Variants in ATG14 observed in about 807,000 individuals in gnomAD.
The protein encoded by ATG14 is beclin 1-associated autophagy-related key regulator.
Under a neutral mutation model 60.4 loss-of-function variants are expected in ATG14, and 35 were observed. The ratio of observed to expected loss-of-function variants is 0.58; its 90% CI spans 0.44 to 0.77. The LOEUF (loss-of-function observed/expected upper bound fraction) is 0.77. Among genes scored for constraint, ATG14 ranks in the 30% least tolerant of loss-of-function variants. ATG14 has a pLI of 0.00. For missense variants in ATG14, 647 were observed against 626.3 expected (o/e 1.03, Z -0.35); for synonymous variants, 234 against 228.8 (o/e 1.02, Z -0.21).
chr14:55,396,017 A>G, intron 2 of ATG14, 35 bp from the exon 3 acceptor site: 1 of 1,509,304 alleles, frequency 6.6e-7, no homozygotes, highest in Non-Finnish European at 9.0e-7. Context: ...AAGCTCTTAA[A>G]AATAATAAAA....
chr14:55,411,683 T>C lies in ATG14; in HGVS notation c.140A>G (p.Asn47Ser), dbSNP rs991135842. 4 of 1,613,294 alleles carry C rather than the reference T, an allele frequency of 2.5e-6. No individual in the cohort carries two copies. The highest frequency in any genetic ancestry group is 1.3e-5 in the African/African-American group (1 of 75,054). Residue 47 changes from asparagine (N) to serine (S), a missense_variant, in exon 1 of 10, where the codon AAC becomes AGC. Physicochemically the swap from Asn to Ser is conservative, Grantham distance 46. Coordinates refer to ENST00000247178, the MANE Select transcript of ATG14 (RefSeq NM_014924.5). ...YVAVERCPLCNTTRRRLTCAK... is the reference protein window; with the variant it reads ...YVAVERCPLCSTTRRRLTCAK... The stretch of plus-strand genomic sequence containing the variant: ...GCAGGTCAGCCGCCGGCGGGTAGTG[T>C]TGCACAGCGGGCAGCGCTCCACAGC...
At chr14:55,392,981 C>G (rs1035679560) in intron 3 of ATG14, among the ~76,000 whole-genome samples, 1 of 152,120 alleles carries the variant, frequency 6.6e-6, no homozygotes, top group Non-Finnish European at 1.5e-5. Context: ...GATAGAAAAA[C>G]TAGAAACATT....
rs759622887 is a variant in ATG14 at position 55,369,713 on chromosome 14, G to T, written c.1385C>A (p.Ser462Tyr). ...EVSQSQSTQA[S>Y]PPIASSSAGG... ...TGCACTGCTGCTCGCGATGGGTGGGGACGCCTGGGTGCTCTGACTCTGGGA... is the reference window on the plus strand; with the variant it reads ...TGCACTGCTGCTCGCGATGGGTGGGTACGCCTGGGTGCTCTGACTCTGGGA... Residue 462 changes from serine to tyrosine, a missense_variant, in exon 10 of 10, where the codon TCC (serine) becomes TAC (tyrosine). Ser to Tyr is a moderately radical substitution (Grantham distance 144). Coordinates refer to ENST00000247178, the MANE Select transcript of ATG14 (RefSeq NM_014924.5). The T allele has an allele frequency of 1.2e-6, 2 of 1,611,190 alleles. No individual in the cohort carries two copies. Among genetic ancestry groups the T allele is most frequent in the Admixed American group, 3.3e-5 (2 of 59,850 alleles).
intron 5 of ATG14, among the ~76,000 whole-genome samples, chr14:55,383,473 C>T (rs1885069710): frequency 6.6e-6 from 1 of 152,064 alleles, no homozygotes; most frequent in Admixed American, 6.5e-5. Context: ...ATTGCTTGAA[C>T]CTGGGAGGCA....
chr14:55,369,667 T>G lies in ATG14; in HGVS notation c.1431A>C (p.Ala477=). 6.4e-7 allele frequency: 1 copy of G among 1,574,066 alleles called. No individual in the cohort carries two copies. ...TAAACCAGGAGGTCACCGAGGCTGC[T>G]GCAGAGGAGATCATCCCACCTGCAC... ...SSSAGGMISS[A]AASVTSWFKA... Residue 477 remains alanine, a synonymous_variant, in exon 10 of 10, where the codon GCA becomes GCC. Coordinates refer to ENST00000247178, the MANE Select transcript of ATG14 (RefSeq NM_014924.5).
In ATG14 at chr14:55,377,856, T is replaced by C. The variant is rs373428312; in HGVS notation, c.1135A>G (p.Met379Val). The C allele has an allele frequency of 6.2e-7, 1 of 1,602,774 alleles. No individual in the cohort carries two copies. Among genetic ancestry groups the C allele is most frequent in the South Asian group, 1.1e-5 (1 of 88,366 alleles). The change falls in exon 9 of 10, where the codon ATG (methionine) becomes GTG (valine). Residue 379 changes from methionine (M) to valine (V), a missense_variant. Coordinates refer to ENST00000247178, the MANE Select transcript of ATG14 (RefSeq NM_014924.5). ...TCAGAGCTTGGACTGACCAGGTACA[T>C]TAGATTCCTGAGGGTATGCAGTGGT... The part of the protein sequence containing the change: ...LQPLHTLRNL[M>V]YLVSPSSEHL...
intron 5 of ATG14, among the ~76,000 whole-genome samples, chr14:55,383,374 A>C (rs1192489934): frequency 6.6e-6 from 1 of 152,102 alleles, no homozygotes; most frequent in Non-Finnish European, 1.5e-5. Context: ...AACATGGTGA[A>C]ATGCCATCGC....
rs1418462461 is a variant in ATG14 at position 55,385,982 on chromosome 14, A to C, written c.524T>G (p.Leu175Arg). Residue 175 changes from leucine (L) to arginine (R), a missense_variant, in exon 5 of 10, where the codon CTG (leucine) becomes CGG (arginine). By Grantham distance (102) the Leu-to-Arg change is moderately radical (BLOSUM62 -2). Transcript: ENST00000247178. Reference protein sequence around the residue: ...IQRHNRKLGDLVEKKTIDLRS... With the variant: ...IQRHNRKLGDRVEKKTIDLRS... The stretch of plus-strand genomic sequence containing the variant: ...TAAGTCAATGGTCTTTTTTTCTACC[A>C]GGTCACCAAGTTTGCGATTATGCCT... The C allele has an allele frequency of 1.2e-6, 2 of 1,613,996 alleles. No homozygotes were observed. Among genetic ancestry groups the C allele is most frequent in the African/African-American group, 1.3e-5 (1 of 74,906 alleles).
chr14:55,372,343 G>A (rs1025765408), intron 9 of ATG14, among the ~76,000 whole-genome samples: 2 of 151,992 alleles, frequency 1.3e-5, no homozygotes, highest in Non-Finnish European at 2.9e-5. Flanking sequence ...CTCCTGGCAC[G>A]CACCCACTAA....
At chr14:55,399,729 C>A (rs925550753) in intron 1 of ATG14, among the ~76,000 whole-genome samples, 82 of 152,274 alleles carry the variant, frequency 5.4e-4, no homozygotes, top group African/African-American at 1.9e-3. Context: ...AATAAACTCA[C>A]AAGTTAGCAA....
chr14:55,405,103 A>C (rs192937071), intron 1 of ATG14, among the ~76,000 whole-genome samples: 1 of 152,338 alleles, frequency 6.6e-6, no homozygotes, highest in Admixed American at 6.5e-5. Flanking sequence ...GACCCTCTGA[A>C]GGACACAGTG....
intron 6 of ATG14, among the ~76,000 whole-genome samples, chr14:55,381,328 T>C (rs1281948155): frequency 6.6e-6 from 1 of 152,168 alleles, no homozygotes; most frequent in Non-Finnish European, 1.5e-5. Flanking sequence ...TTTTAAAGGG[T>C]TTTCCCATTG....
chr14:55,385,961 T>G lies in ATG14; in HGVS notation c.545A>C (p.Asp182Ala). Residue 182 changes from aspartate (D) to alanine (A), a missense_variant, in exon 5 of 10, where the codon GAC becomes GCC. Coordinates refer to ENST00000247178, the MANE Select transcript of ATG14 (RefSeq NM_014924.5). ...CAGACGCTCATAATGACTTCTTAAG[T>G]CAATGGTCTTTTTTTCTACCAGGTC... is the stretch of plus-strand genomic sequence containing the variant. The part of the protein sequence containing the change: ...LGDLVEKKTI[D>A]LRSHYERLAN... The G allele has an allele frequency of 6.2e-7, 1 of 1,614,138 alleles. No individual in the cohort carries two copies. Among genetic ancestry groups the G allele is most frequent in the Non-Finnish European group, 8.5e-7 (1 of 1,180,034 alleles).
chr14:55,386,899 A>C (rs1885134590), intron 4 of ATG14, among the ~76,000 whole-genome samples: 1 of 152,174 alleles, frequency 6.6e-6, no homozygotes, highest in African/African-American at 2.4e-5. Flanking sequence ...ACCCAAGTTC[A>C]AAATCAAGTT....
chr14:55,378,119 A>C (rs374219519), intron 7 of ATG14, 45 bp from the exon 8 acceptor site: 74 of 1,535,706 alleles, frequency 4.8e-5, no homozygotes, highest in Admixed American at 3.1e-4. Flanking sequence ...TTTTTGAGGA[A>C]ATTCTATGTT....
intron 3 of ATG14, among the ~76,000 whole-genome samples, chr14:55,391,605 CAT>C (rs1283131022): frequency 3.3e-5 from 5 of 152,114 alleles, no homozygotes; most frequent in Non-Finnish European, 4.4e-5. Context: ...CTACTAGCCA[CAT>C]GTGGTTACTT....
intron 7 of ATG14, among the ~76,000 whole-genome samples, chr14:55,379,241 G>C (rs1884982064): frequency 6.6e-6 from 1 of 152,092 alleles, no homozygotes; most frequent in South Asian, 2.1e-4. Flanking sequence ...TTTATTTAAA[G>C]GGGGAAGATG....
chr14:55,369,847 A>C lies in ATG14; in HGVS notation c.1251T>G (p.Asp417Glu). 1.9e-6 allele frequency: 3 copies of C among 1,614,084 alleles called. No homozygotes were observed. Among genetic ancestry groups the C allele is most frequent in the Non-Finnish European group, 2.5e-6 (3 of 1,180,004 alleles). The change falls in exon 10 of 10, where the codon GAT becomes GAG. Residue 417 changes from aspartate (D) to glutamate (E), a missense_variant. By Grantham distance (45) the Asp-to-Glu change is conservative. Transcript: ENST00000247178. The stretch of plus-strand genomic sequence containing the variant: ...CGCTGACGCGCTCATCTCCGCTCTC[A>C]TCTGATTCTCCAGCAACTCCGGGAT... ...FVDPGVAGESDESGDERVSDE... is the reference protein window; with the variant it reads ...FVDPGVAGESEESGDERVSDE...
chr14:55,382,810 C>A (rs552476134), intron 5 of ATG14, among the ~76,000 whole-genome samples: 1 of 152,090 alleles, frequency 6.6e-6, no homozygotes, highest in Non-Finnish European at 1.5e-5. Context: ...CACCTCTCTA[C>A]GTGTTTAAAA....
Sources: gnomAD v4.1 joint callset for allele counts (sites outside exome capture counted in the v4.1 genomes callset) on GRCh38, gnomAD v4.1.1 for gene constraint, MANE v1.5 for transcripts, NCBI Gene and HGNC (gene_info 2026-07-23, HGNC 2026-07-21) for gene names.